Variants in AMER1 observed in about 807,000 individuals in gnomAD.
AMER1 encodes the protein APC membrane recruitment protein 1.
In AMER1, 16 loss-of-function variants were observed where a neutral mutation model predicts 53.0. The observed-to-expected ratio is 0.30, with a 90% CI of 0.20 to 0.46. The LOEUF (loss-of-function observed/expected upper bound fraction) is 0.46. Ranked by LOEUF, AMER1 falls within the 20% of genes least tolerant of loss-of-function variation. The pLI, the probability that AMER1 is intolerant of heterozygous loss-of-function variation, is 1.00. For missense variants in AMER1, 947 were observed against 884.9 expected (o/e 1.07, Z -0.89); for synonymous variants, 354 against 331.9 (o/e 1.07, Z -0.73).
At chrX:64,193,460 C>T (rs1448259558) in intron 1 of AMER1, 76 bp from the exon 2 acceptor site, 19 of 672,871 alleles carry the variant, frequency 2.8e-5, no homozygotes, top group South Asian at 1.1e-4. Flanking sequence ...TTGCTTTCAC[C>T]GGACGTCAGG....
rs202069335 is a variant in AMER1 at position 64,192,628 on chromosome X, G to T, written c.659C>A (p.Thr220Asn). The change falls in exon 2 of 2, where the codon ACC becomes AAC. Residue 220 changes from threonine to asparagine, a missense_variant. Physicochemically the swap from Thr to Asn is moderately conservative, Grantham distance 65. Coordinates refer to ENST00000374869, the MANE Select transcript of AMER1 (RefSeq NM_152424.4). ...SAPQVPCFEE[T>N]FQAPRKENAN... Reference sequence around the variant, plus strand: ...ATTTTCCTTTCTAGGGGCTTGGAAGGTCTCCTCAAAGCAGGGCACCTGAGG... The same window carrying T: ...ATTTTCCTTTCTAGGGGCTTGGAAGTTCTCCTCAAAGCAGGGCACCTGAGG... 1.1e-5 allele frequency: 13 copies of T among 1,171,671 alleles called. No individual in the cohort carries two copies. The highest frequency in any genetic ancestry group is 8.9e-5 in the East Asian group (3 of 33,627).
At position 64,189,793 on chromosome X, in the gene AMER1, A is replaced by ACGGGCCC; in HGVS notation, c.*85_*86insGGGCCCG. The ACGGGCCC allele has an allele frequency of 3.4e-6, 1 of 292,067 alleles. No homozygotes were observed. The highest frequency in any genetic ancestry group is 4.9e-6 in the Non-Finnish European group (1 of 204,825). The allele number at this position is 292,067 out of a possible 1,213,427, so 24.1% of individuals were successfully genotyped here. A position where few individuals can be genotyped will look rare whatever the true frequency, so the allele number is the denominator to read the frequency against. On this transcript the variant is annotated 3_prime_UTR_variant, in exon 2 of 2. Coordinates refer to ENST00000374869, the MANE Select transcript of AMER1 (RefSeq NM_152424.4). ...CAAAGGGTTTTCAAGTTAAACAACA[A>ACGGGCCC]CCCCCACCCCCCCACCCTTCTGCCC...
rs149368692 is a variant in AMER1, at chrX:64,200,605, T to G, written c.-99+4965A>C. Among the ~76,000 whole-genome samples the G allele has an allele frequency of 7.2e-4, 80 of 111,865 alleles. 1 individual carries two copies. In the East Asian group the frequency reaches 0.02, roughly 28 times the overall value. ...GGAGTCTGCTTGCTCCAAGTTGCCC[T>G]GAGAGGCTGGGGGAGGAGTGGTCTT... On this transcript the variant is annotated intron_variant, in intron 1 of 1. Coordinates refer to ENST00000374869, the MANE Select transcript of AMER1 (RefSeq NM_152424.4).
intron 1 of AMER1, among the ~76,000 whole-genome samples, chrX:64,196,695 G>T (rs1268396757): frequency 1.8e-5 from 2 of 111,994 alleles, no homozygotes; most frequent in South Asian, 7.5e-4. Context: ...ATTACGCAGG[G>T]TGTCCCTGGG....
At position 64,186,427 on chromosome X, in the gene AMER1, TGATA is replaced by T; in HGVS notation, c.*3448_*3451del. 1.4e-6 allele frequency: 1 copy of T among 719,191 alleles called. No individual in the cohort carries two copies. The highest frequency in any genetic ancestry group is 1.7e-6 in the Non-Finnish European group (1 of 588,436). 59.3% of individuals were successfully genotyped at this position (719,191 alleles called of 1,213,427 possible). A position where few individuals can be genotyped will look rare whatever the true frequency, so the allele number is the denominator to read the frequency against. Reference sequence around the variant, plus strand: ...AATATAAAAATAGATAATTGACTTTTGATATATATATATATATATATTAAAAACA... The same window carrying T: ...AATATAAAAATAGATAATTGACTTTTTATATATATATATATATTAAAAACA... On this transcript the variant is annotated 3_prime_UTR_variant, in exon 2 of 2. Transcript: ENST00000374869.
At chrX:64,201,057 G>GA (rs1283699690) in intron 1 of AMER1, among the ~76,000 whole-genome samples, 4 of 110,514 alleles carry the variant, frequency 3.6e-5, no homozygotes, top group South Asian at 7.7e-4. Context: ...CCTCTATGCT[G>GA]AAAAAAAATG....
In AMER1 at chrX:64,189,793, A is replaced by ACGGGGGGG; in HGVS notation, c.*85_*86insCCCCCCCG. On this transcript the variant is annotated 3_prime_UTR_variant, in exon 2 of 2. Transcript: ENST00000374869. ...CAAAGGGTTTTCAAGTTAAACAACA[A>ACGGGGGGG]CCCCCACCCCCCCACCCTTCTGCCC... 4.8e-5 allele frequency: 14 copies of ACGGGGGGG among 292,014 alleles called. No homozygotes were observed. The highest frequency in any genetic ancestry group is 1.7e-4 in the East Asian group (1 of 5,961). The allele number at this position is 292,014 out of a possible 1,213,427, so 24.1% of individuals were successfully genotyped here.
Position 64,191,865 on chromosome X carries a change from G to A in AMER1, c.1422C>T (p.Ser474=), listed in dbSNP as rs765226654. ...APNSDEGYYD[S]TTPGFEDDSG... ...AATCATCCTCAAATCCAGGTGTGGTGGAGTCATAATAACCTTCATCACTAT... is the reference window on the plus strand; with the variant it reads ...AATCATCCTCAAATCCAGGTGTGGTAGAGTCATAATAACCTTCATCACTAT... Residue 474 remains serine, a synonymous_variant, in exon 2 of 2, where the codon TCC becomes TCT. Coordinates refer to ENST00000374869, the MANE Select transcript of AMER1 (RefSeq NM_152424.4). 1 of 1,211,656 alleles carries A rather than the reference G, an allele frequency of 8.3e-7. No individual in the cohort carries two copies. The highest frequency in any genetic ancestry group is 1.1e-6 in the Non-Finnish European group (1 of 895,452).
intron 1 of AMER1, among the ~76,000 whole-genome samples, chrX:64,196,109 T>C (rs1051237105): frequency 8.9e-6 from 1 of 112,178 alleles, no homozygotes; most frequent in African/African-American, 3.2e-5. Context: ...CTTGCTCCTA[T>C]GCTCTGTGAG....
In AMER1 at chrX:64,189,603, C is replaced by T; in HGVS notation, c.*276G>A. Reference sequence around the variant, plus strand: ...GAATAGGCACAAAATTACAGCATCCCAAACCCAGCGTGGGTCACAAGAAGA... The same window carrying T: ...GAATAGGCACAAAATTACAGCATCCTAAACCCAGCGTGGGTCACAAGAAGA... On this transcript the variant is annotated 3_prime_UTR_variant, in exon 2 of 2. Transcript: ENST00000374869. 1.1e-6 allele frequency: 1 copy of T among 879,655 alleles called. No homozygotes were observed. The highest frequency in any genetic ancestry group is 5.1e-5 in the South Asian group (1 of 19,556). The allele number at this position is 879,655 out of a possible 1,213,427, so 72.5% of individuals were successfully genotyped here. A position where few individuals can be genotyped will look rare whatever the true frequency, so the allele number is the denominator to read the frequency against.
chrX:64,186,184 C>T lies in AMER1; in HGVS notation c.*3695G>A, dbSNP rs1293509038. On this transcript the variant is annotated 3_prime_UTR_variant, in exon 2 of 2. Coordinates refer to ENST00000374869, the MANE Select transcript of AMER1 (RefSeq NM_152424.4). ...AGTACCTGGGCATCTTCTGCTGTCC[C>T]TATCATGGGGGGAGGGAACGGACAG... 1.2e-5 allele frequency: 14 copies of T among 1,207,207 alleles called. No individual in the cohort carries two copies. The highest frequency in any genetic ancestry group is 1.8e-5 in the African/African-American group (1 of 56,753).
intron 1 of AMER1, among the ~76,000 whole-genome samples, chrX:64,201,448 A>AACGCAC (rs1210654508): frequency 4.8e-5 from 4 of 83,134 alleles, no homozygotes; most frequent in African/African-American, 1.8e-4. Flanking sequence ...TCCTTCCCCC[A>AACGCAC]ACACACACAC....
chrX:64,188,927 T>C lies in AMER1; in HGVS notation c.*952A>G. The C allele has an allele frequency of 1.2e-6, 1 of 806,862 alleles. No homozygotes were observed. The highest frequency in any genetic ancestry group is 1.5e-6 in the Non-Finnish European group (1 of 671,829). The allele number at this position is 806,862 out of a possible 1,213,427, so 66.5% of individuals were successfully genotyped here. On this transcript the variant is annotated 3_prime_UTR_variant, in exon 2 of 2. Coordinates refer to ENST00000374869, the MANE Select transcript of AMER1 (RefSeq NM_152424.4). ...CCTTTAGAGGAAAAAAGAACAAAAA[T>C]TCAAAAGCATCTGCAACTCAGGTAG...
chrX:64,198,812 T>G (rs2147093786), intron 1 of AMER1, among the ~76,000 whole-genome samples: 1 of 111,482 alleles, frequency 9.0e-6, no homozygotes, highest in African/African-American at 3.3e-5. Flanking sequence ...CCTCTCAAAC[T>G]ACAGGACATG....
intron 1 of AMER1, among the ~76,000 whole-genome samples, chrX:64,201,549 G>A (rs934394866): frequency 3.6e-5 from 4 of 110,823 alleles, no homozygotes; most frequent in African/African-American, 1.3e-4. Context: ...TGGGCAATGA[G>A]GCAGGTGACC....
In AMER1 at chrX:64,185,412, A is replaced by G. The variant is rs1930084461; in HGVS notation, c.*4467T>C. On this transcript the variant is annotated 3_prime_UTR_variant, in exon 2 of 2. Transcript: ENST00000374869. The stretch of plus-strand genomic sequence containing the variant: ...CCTTCCTCCAGCCATTTTATTTAAC[A>G]TGACCTAAATATACATTCCTGTTTT... The G allele has an allele frequency of 5.9e-6, 1 of 170,013 alleles. No homozygotes were observed. Among genetic ancestry groups the G allele is most frequent in the Non-Finnish European group, 1.1e-5 (1 of 89,293 alleles). 14.0% of individuals were successfully genotyped at this position (170,013 alleles called of 1,213,427 possible). A position where few individuals can be genotyped will look rare whatever the true frequency, so the allele number is the denominator to read the frequency against.
intron 1 of AMER1, among the ~76,000 whole-genome samples, chrX:64,204,619 C>T (rs1930558453): frequency 8.8e-6 from 1 of 113,417 alleles, no homozygotes; most frequent in South Asian, 3.5e-4. Flanking sequence ...TTCCGTACTA[C>T]AATGAGGGCT....
rs2147086661 is a variant in AMER1 at position 64,191,124 on chromosome X, G to A, written c.2163C>T (p.Leu721=). ...GCTCAAACATGGCATCACTCTGGAA[G>A]AGCTGCATCAGGCAGGTACTTTGAT... ...KKDQSTCLMQ[L]FQSDAMFEPD... The change falls in exon 2 of 2, where the codon CTC becomes CTT. Residue 721 remains leucine (L), a synonymous_variant. Coordinates refer to ENST00000374869, the MANE Select transcript of AMER1 (RefSeq NM_152424.4). 8.2e-7 allele frequency: 1 copy of A among 1,212,308 alleles called. No homozygotes were observed. The highest frequency in any genetic ancestry group is 1.1e-6 in the Non-Finnish European group (1 of 895,644).
At chrX:64,203,937 G>A (rs1402886054) in intron 1 of AMER1, among the ~76,000 whole-genome samples, 1 of 111,730 alleles carries the variant, frequency 9.0e-6, no homozygotes, top group East Asian at 2.8e-4. Flanking sequence ...TCCAGAGCTA[G>A]CCTTCCCCCA....
Sources: allele counts gnomAD v4.1 joint callset (sites outside exome capture counted in the v4.1 genomes callset), GRCh38; gene constraint gnomAD v4.1.1; transcripts MANE v1.5; gene names NCBI Gene and HGNC (gene_info 2026-07-23, HGNC 2026-07-21).